The following ROBO2 variants were observed in gnomAD, a reference collection of about 807,000 sequenced individuals.
ROBO2 encodes the protein roundabout guidance receptor 2.
A neutral mutation model predicts 160.8 loss-of-function variants in ROBO2; 53 were observed. The observed-to-expected ratio is 0.33, with a 90% confidence interval of 0.26 to 0.41. The LOEUF (loss-of-function observed/expected upper bound fraction) is 0.41, where lower values mean the gene tolerates loss of function less well. Among genes scored for constraint, ROBO2 ranks in the 10% least tolerant of loss-of-function variants. ROBO2 has a pLI of 1.00. For missense variants in ROBO2, 1,577 were observed against 1,722.4 expected, an observed-to-expected ratio of 0.92 and a Z score of 1.49; for synonymous variants, 664 against 611.7, an observed-to-expected ratio of 1.09 and a Z score of -1.26.
chr3:76,902,730 A>G (rs1390115947), intron 2 of ROBO2, among the ~76,000 whole-genome samples: 1 of 151,212 alleles, frequency 6.6e-6, no homozygotes, highest in African/African-American at 2.5e-5. Context: ...ATTTTACTTG[A>G]CCACTATCCA....
intron 2 of ROBO2, among the ~76,000 whole-genome samples, chr3:76,893,718 T>C (rs1160748191): frequency 1.3e-5 from 2 of 152,116 alleles, no homozygotes; most frequent in Non-Finnish European, 2.9e-5. Flanking sequence ...CAATACATTA[T>C]TGTTAAGTAT....
chr3:76,142,065 A>G (rs1217363723), intron 2 of ROBO2, among the ~76,000 whole-genome samples: 3 of 152,052 alleles, frequency 2.0e-5, no homozygotes, highest in Non-Finnish European at 4.4e-5. Context: ...AAATGCAATA[A>G]CAAACGGATT....
At chr3:76,710,508 A>T (rs998143156) in intron 2 of ROBO2, among the ~76,000 whole-genome samples, 1 of 152,132 alleles carries the variant, frequency 6.6e-6, no homozygotes, top group Non-Finnish European at 1.5e-5. Context: ...TGTTTGGCCA[A>T]TTTCCAAGTT....
chr3:75,941,600 G>A (rs139157333), intron 2 of ROBO2, among the ~76,000 whole-genome samples: 2,631 of 152,170 alleles, frequency 0.017, 69 homozygotes, highest in African/African-American at 0.056. Flanking sequence ...AGCCAGTGGC[G>A]CTTACAACTG....
chr3:77,198,890 G>A (rs966039797), intron 2 of ROBO2, among the ~76,000 whole-genome samples: 3 of 151,750 alleles, frequency 2.0e-5, no homozygotes, highest in African/African-American at 7.3e-5. Flanking sequence ...GCAACAGGGC[G>A]AGACTCTGTC....
intron 2 of ROBO2, among the ~76,000 whole-genome samples, chr3:76,332,055 T>G (rs2073531570): frequency 6.6e-6 from 1 of 152,150 alleles, no homozygotes; most frequent in Non-Finnish European, 1.5e-5. Flanking sequence ...GGAAAACATT[T>G]GAGATTATAT....
intron 2 of ROBO2, among the ~76,000 whole-genome samples, chr3:76,768,634 T>G (rs2061702197): frequency 6.6e-6 from 1 of 150,638 alleles, no homozygotes; most frequent in Non-Finnish European, 1.5e-5. Context: ...AGATTTAATA[T>G]AATCAAAATG....
intron 2 of ROBO2, among the ~76,000 whole-genome samples, chr3:77,004,238 T>C (rs1346347518): frequency 6.6e-6 from 1 of 152,364 alleles, no homozygotes; most frequent in Non-Finnish European, 1.5e-5. Context: ...TTGACATTAA[T>C]TAAATCTTCA....
At chr3:76,252,796 G>C (rs553357197) in intron 2 of ROBO2, among the ~76,000 whole-genome samples, 6 of 148,290 alleles carry the variant, frequency 4.0e-5, no homozygotes, top group Non-Finnish European at 7.4e-5. Flanking sequence ...CACACACAGA[G>C]TTTTTTTGTT....
intron 2 of ROBO2, among the ~76,000 whole-genome samples, chr3:76,528,168 T>C (rs1025119204): frequency 6.6e-6 from 1 of 152,176 alleles, no homozygotes; most frequent in Admixed American, 6.6e-5. Context: ...TCACTGGAAA[T>C]AGGTTAGCAA....
intron 1 of ROBO2, among the ~76,000 whole-genome samples, chr3:77,077,280 A>C (rs1200321942): frequency 1.3e-5 from 2 of 152,210 alleles, no homozygotes; most frequent in African/African-American, 4.8e-5. Flanking sequence ...CTAAAAGTTC[A>C]ATGAATTATA....
intron 2 of ROBO2, among the ~76,000 whole-genome samples, chr3:77,326,194 A>C (rs1256032180): frequency 6.6e-6 from 1 of 152,192 alleles, no homozygotes; most frequent in African/African-American, 2.4e-5. Context: ...TCAAAGACTA[A>C]TTCTCTCATT....
intron 2 of ROBO2, among the ~76,000 whole-genome samples, chr3:76,007,995 G>A (rs1277216655): frequency 1.3e-5 from 2 of 151,920 alleles, no homozygotes; most frequent in Admixed American, 1.3e-4. Flanking sequence ...TGTAATCCCA[G>A]CACTTTGGGA....
chr3:77,125,990 A>T (rs963959837), intron 2 of ROBO2, among the ~76,000 whole-genome samples: 5 of 152,216 alleles, frequency 3.3e-5, no homozygotes, highest in Non-Finnish European at 1.5e-5. Context: ...ATTATCATTT[A>T]TTCAGCTCCC....
intron 2 of ROBO2, among the ~76,000 whole-genome samples, chr3:76,183,030 G>A (rs1401878685): frequency 6.6e-6 from 1 of 152,112 alleles, no homozygotes; most frequent in Non-Finnish European, 1.5e-5. Flanking sequence ...TCTGTTTCAA[G>A]TGATGTTAAT....
At chr3:76,839,877 T>C (rs2148458643) in intron 2 of ROBO2, among the ~76,000 whole-genome samples, 1 of 152,328 alleles carries the variant, frequency 6.6e-6, no homozygotes. Context: ...TTTTTATTTC[T>C]TCATGGATAA....
At chr3:77,556,752 T>A (rs1390707401) in intron 8 of ROBO2, among the ~76,000 whole-genome samples, 11 of 151,960 alleles carry the variant, frequency 7.2e-5, no homozygotes, top group Admixed American at 7.2e-4. Flanking sequence ...TAGAAATTAT[T>A]AGAATCCATC....
At chr3:77,547,779 C>T (rs1035795781) in intron 7 of ROBO2, among the ~76,000 whole-genome samples, 6 of 152,070 alleles carry the variant, frequency 3.9e-5, no homozygotes, top group African/African-American at 1.4e-4. Context: ...TGCCTTATCC[C>T]ACATCAGAAC....
At chr3:76,449,469 G>T (rs1208293544) in intron 2 of ROBO2, among the ~76,000 whole-genome samples, 1 of 152,074 alleles carries the variant, frequency 6.6e-6, no homozygotes, top group African/African-American at 2.4e-5. Context: ...TACCCTACAT[G>T]CTGGGGTAGG....
Sources: allele counts gnomAD v4.1 joint callset (sites outside exome capture counted in the v4.1 genomes callset), GRCh38; gene constraint gnomAD v4.1.1; transcripts MANE v1.5; gene names NCBI Gene and HGNC (gene_info 2026-07-23, HGNC 2026-07-21).